The following EXOC4 variants were observed in gnomAD, a reference collection of about 807,000 sequenced individuals.
EXOC4 encodes the protein exocyst complex component 4, also known as SEC8-like 1.
In EXOC4, 71 loss-of-function variants were observed where a neutral mutation model predicts 107.2. The observed-to-expected ratio is 0.66, with a 90% CI of 0.55 to 0.81. The LOEUF is 0.81. Ranked by LOEUF, EXOC4 falls within the 30% of genes least tolerant of loss-of-function variation. The probability of loss-of-function intolerance (pLI) is 0.00; values close to 1 mark genes in which losing one functional copy is unlikely to be tolerated. For synonymous variants in EXOC4, 456 were observed against 441.2 expected, an observed-to-expected ratio of 1.03 and a Z score of -0.42; for missense variants, 1,108 against 1,189.6, an observed-to-expected ratio of 0.93 and a Z score of 1.01.
At chr7:133,802,958 CA>C (rs1480871131) in intron 10 of EXOC4, among the ~76,000 whole-genome samples, 3 of 148,950 alleles carry the variant, frequency 2.0e-5, no homozygotes, top group Non-Finnish European at 1.5e-5. Flanking sequence ...TGGGAAATGA[CA>C]GAAAAAAAAA....
intron 11 of EXOC4, among the ~76,000 whole-genome samples, chr7:133,881,785 G>A (rs892802973): frequency 5.9e-5 from 9 of 152,128 alleles, no homozygotes; most frequent in African/African-American, 2.2e-4. Flanking sequence ...GTCAGTAGTA[G>A]TATTGCCAAC....
intron 6 of EXOC4, among the ~76,000 whole-genome samples, chr7:133,369,950 A>T (rs369880050): frequency 6.6e-6 from 1 of 151,878 alleles, no homozygotes; most frequent in African/African-American, 2.4e-5. Flanking sequence ...GATTACAGGC[A>T]TGCACCATGA....
chr7:133,573,125 A>G (rs1274258413), intron 9 of EXOC4, among the ~76,000 whole-genome samples: 2 of 152,232 alleles, frequency 1.3e-5, no homozygotes, highest in Admixed American at 6.5e-5. Context: ...ATACATGAAT[A>G]GTTAGATCTT....
At chr7:133,553,999 A>G (rs967493909) in intron 9 of EXOC4, among the ~76,000 whole-genome samples, 5 of 152,158 alleles carry the variant, frequency 3.3e-5, no homozygotes, top group Admixed American at 2.0e-4. Flanking sequence ...TATAAATTCC[A>G]TAGGAAATAG....
intron 5 of EXOC4, among the ~76,000 whole-genome samples, chr7:133,318,783 A>G (rs932168621): frequency 2.0e-5 from 3 of 152,258 alleles, no homozygotes; most frequent in Non-Finnish European, 4.4e-5. Context: ...CTTTAACTAC[A>G]GGAAAGTATA....
chr7:133,804,937 C>T (rs1318038259), intron 10 of EXOC4, among the ~76,000 whole-genome samples: 11 of 152,036 alleles, frequency 7.2e-5, no homozygotes, highest in African/African-American at 1.4e-4. Flanking sequence ...ATATTGTATC[C>T]GCTTTAAGAA....
intron 7 of EXOC4, among the ~76,000 whole-genome samples, chr7:133,443,510 A>G (rs1584921743): frequency 6.6e-6 from 1 of 152,100 alleles, no homozygotes; most frequent in East Asian, 1.9e-4. Context: ...TAGAAACTCA[A>G]ATACCAAAAA....
intron 11 of EXOC4, among the ~76,000 whole-genome samples, chr7:133,862,105 C>T (rs763707502): frequency 2.2e-4 from 34 of 151,486 alleles, no homozygotes; most frequent in Admixed American, 9.2e-4. Flanking sequence ...CCCATAAAGC[C>T]GTAAGATTTA....
rs141801717 is a variant in EXOC4, at chr7:133,365,209, A to G, written c.1007+8636A>G. 3.5e-4 allele frequency among the ~76,000 whole-genome samples: 54 copies of G among 152,314 alleles called. 1 individual carries two copies. The East Asian group carries it at 0.01, about 29-fold the overall frequency. On this transcript the variant is annotated intron_variant, in intron 6 of 17. Coordinates refer to ENST00000253861, the MANE Select transcript of EXOC4 (RefSeq NM_021807.4). Reference sequence around the variant, plus strand: ...TAGGAACAATATAGTACTAAGAACAACAAAGCACTTGTACTAAGAACAACA... The same window carrying G: ...TAGGAACAATATAGTACTAAGAACAGCAAAGCACTTGTACTAAGAACAACA...
intron 4 of EXOC4, among the ~76,000 whole-genome samples, chr7:133,312,075 A>C (rs1794885567): frequency 6.6e-6 from 1 of 152,206 alleles, no homozygotes; most frequent in Admixed American, 6.5e-5. Context: ...CTACAAAAAC[A>C]GTACCAGTTC....
chr7:133,576,682 G>C (rs917444379), intron 9 of EXOC4: 1 of 1,289,720 alleles, frequency 7.8e-7, no homozygotes. Context: ...TGAGCAATGG[G>C]AGCCGTGAAA....
At chr7:133,921,777 C>T (rs1476582025) in intron 13 of EXOC4, among the ~76,000 whole-genome samples, 1 of 152,068 alleles carries the variant, frequency 6.6e-6, no homozygotes, top group African/African-American at 2.4e-5. Flanking sequence ...AATATTTATT[C>T]TGTTGCTTTT....
intron 9 of EXOC4, among the ~76,000 whole-genome samples, chr7:133,544,494 A>G (rs1800441765): frequency 6.6e-6 from 1 of 152,102 alleles, no homozygotes; most frequent in Non-Finnish European, 1.5e-5. Context: ...TTTCTTTGTC[A>G]ATCAGGATCT....
rs527536504 is a variant in EXOC4 at position 133,392,013 on chromosome 7, A to C, written c.1182+17011A>C. Among the ~76,000 whole-genome samples, 12 of 152,242 alleles carry C rather than the reference A, an allele frequency of 7.9e-5. No homozygotes were observed. In the South Asian group the frequency reaches 8.3e-4, roughly 10 times the overall value. On this transcript the variant is annotated intron_variant, in intron 7 of 17. Transcript: ENST00000253861. Reference sequence around the variant, plus strand: ...ACTTTCCGCAGTAGTATAGGCAAGCACAACAGAAAGAAATAATTTAAGAAA... The same window carrying C: ...ACTTTCCGCAGTAGTATAGGCAAGCCCAACAGAAAGAAATAATTTAAGAAA...
intron 11 of EXOC4, among the ~76,000 whole-genome samples, chr7:133,850,917 GT>G (rs1317430942): frequency 6.6e-6 from 1 of 152,078 alleles, no homozygotes; most frequent in East Asian, 1.9e-4. Context: ...CATGTTTCCT[GT>G]TCACCTTCTC....
chr7:134,000,789 T>G (rs1794514572), intron 15 of EXOC4, among the ~76,000 whole-genome samples: 2 of 152,144 alleles, frequency 1.3e-5, no homozygotes, highest in African/African-American at 4.8e-5. Context: ...TCTGGCACTT[T>G]TAGCCAAGAA....
chr7:133,506,985 C>T (rs1024746781), intron 9 of EXOC4, among the ~76,000 whole-genome samples: 9 of 151,762 alleles, frequency 5.9e-5, no homozygotes, highest in Admixed American at 5.9e-4. Flanking sequence ...AAATACTTTT[C>T]CTCCTAGTCA....
intron 11 of EXOC4, among the ~76,000 whole-genome samples, chr7:133,820,154 A>ATTTTTTTT (rs35640945): frequency 7.1e-5 from 5 of 70,278 alleles, no homozygotes; most frequent in African/African-American, 1.6e-4. Flanking sequence ...CACCTGCTTC[A>ATTTTTTTT]TTTTTTTTTT....
chr7:133,348,822 T>C (rs890812415), intron 5 of EXOC4, among the ~76,000 whole-genome samples: 1 of 152,240 alleles, frequency 6.6e-6, no homozygotes, highest in Non-Finnish European at 1.5e-5. Flanking sequence ...AATGACTTTT[T>C]TTGATCTGCC....
Sources: gnomAD v4.1 joint callset for allele counts (sites outside exome capture counted in the v4.1 genomes callset) on GRCh38, gnomAD v4.1.1 for gene constraint, MANE v1.5 for transcripts, NCBI Gene and HGNC (gene_info 2026-07-23, HGNC 2026-07-21) for gene names.